The following PLOD2 variants were observed in gnomAD, a reference collection of about 807,000 sequenced individuals.
The protein encoded by PLOD2 is procollagen-lysine,2-oxoglutarate 5-dioxygenase 2.
A neutral mutation model predicts 101.0 loss-of-function variants in PLOD2; 65 were observed. The observed-to-expected ratio is 0.64, with a 90% CI of 0.53 to 0.79. The LOEUF is 0.79. PLOD2 is among the 30% of genes least tolerant of loss of function. The probability of loss-of-function intolerance (pLI) is 0.00; values close to 1 mark genes in which losing one functional copy is unlikely to be tolerated. For synonymous variants in PLOD2, 314 were observed against 302.9 expected (o/e 1.04, Z -0.38); for missense variants, 909 against 914.6 (o/e 0.99, Z 0.08).
chr3:146,108,641 G>A (rs1320777494), intron 4 of PLOD2, among the ~76,000 whole-genome samples: 3 of 152,122 alleles, frequency 2.0e-5, no homozygotes, highest in Non-Finnish European at 4.4e-5. Context: ...GCATAAGGAT[G>A]ATGCTTCGAT....
At chr3:146,110,075 C>G (rs1322912035) in intron 4 of PLOD2, among the ~76,000 whole-genome samples, 1 of 152,040 alleles carries the variant, frequency 6.6e-6, no homozygotes, top group African/African-American at 2.4e-5. Flanking sequence ...AGTTTCCTCA[C>G]TTATAATTTG....
Position 146,081,873 on chromosome 3 carries a change from G to A in PLOD2, c.1233-10C>T, listed in dbSNP as rs1448419287. 1.9e-6 allele frequency: 3 copies of A among 1,610,016 alleles called. No homozygotes were observed. The highest frequency in any genetic ancestry group is 2.5e-6 in the Non-Finnish European group (3 of 1,176,816). ...AGGAGCAATGATCTTTCTAAAGACA[G>A]AGAGAGTGTGTGTGAGAGAGAGAAA... On this transcript the variant is annotated splice_polypyrimidine_tract_variant and intron_variant, in intron 11 of 19. Coordinates refer to ENST00000282903, the MANE Select transcript of PLOD2 (RefSeq NM_182943.3).
In PLOD2 at chr3:146,072,582, T is replaced by C. The variant is rs1936183888; in HGVS notation, c.1827A>G (p.Lys609=). 2.5e-6 allele frequency: 4 copies of C among 1,608,002 alleles called. No homozygotes were observed. The highest frequency in any genetic ancestry group is 3.4e-6 in the Non-Finnish European group (4 of 1,175,166). ...ELVEEMEHYG[K]WSGGKHHDSR... is the part of the protein sequence containing the mutation. ...TTACATGATGTTTTCCCCCAGACCA[T>C]TTGCCGTAATGTTCCATTTCTTCTA... Residue 609 remains lysine, a synonymous_variant, in exon 17 of 20, where the codon AAA becomes AAG. Transcript: ENST00000282903.
chr3:146,102,127 G>T (rs1423472558), intron 7 of PLOD2, among the ~76,000 whole-genome samples: 2 of 152,258 alleles, frequency 1.3e-5, no homozygotes, highest in Non-Finnish European at 2.9e-5. Context: ...ATGTCAGAAG[G>T]TTGTTGTAAG....
At chr3:146,099,188 A>T (rs369259736) in intron 7 of PLOD2, among the ~76,000 whole-genome samples, 13 of 152,344 alleles carry the variant, frequency 8.5e-5, no homozygotes, top group African/African-American at 3.1e-4. Context: ...AATGTTTCCA[A>T]GAAGACTTAA....
intron 7 of PLOD2, among the ~76,000 whole-genome samples, chr3:146,097,020 C>T (rs1186506361): frequency 3.4e-5 from 5 of 147,162 alleles, no homozygotes; most frequent in East Asian, 2.2e-4. Flanking sequence ...GCCCCCCGCC[C>T]GGCCAGCCGC....
chr3:146,107,656 A>G (rs75663863), intron 4 of PLOD2, among the ~76,000 whole-genome samples: 1 of 102,136 alleles, frequency 9.8e-6, no homozygotes, highest in African/African-American at 4.2e-5. Context: ...TTTTTTTTGG[A>G]GACAGAGTCT....
intron 5 of PLOD2, among the ~76,000 whole-genome samples, chr3:146,104,769 C>T (rs552065122): frequency 3.5e-4 from 53 of 152,250 alleles, no homozygotes; most frequent in African/African-American, 1.3e-3. Flanking sequence ...GCTTATTGTA[C>T]CCAACATTCC....
Position 146,161,074 on chromosome 3 carries a change from C to A in PLOD2, c.-85G>T, listed in dbSNP as rs1183981482. 4.8e-6 allele frequency: 4 copies of A among 828,466 alleles called. No homozygotes were observed. Among genetic ancestry groups the A allele is most frequent in the Non-Finnish European group, 7.0e-6 (4 of 570,992 alleles). The allele number at this position is 828,466 out of a possible 1,614,324, so 51.3% of individuals were successfully genotyped here. A position where few individuals can be genotyped will look rare whatever the true frequency, so the allele number is the denominator to read the frequency against. On this transcript the variant is annotated 5_prime_UTR_variant, in exon 1 of 20. Coordinates refer to ENST00000282903, the MANE Select transcript of PLOD2 (RefSeq NM_182943.3). ...TCGCGAGAACGCAGAGACCCGGGTC[C>A]GCCCTGAGCCGCCGATTGCGGGCGG...
rs1936370619 is a variant in PLOD2, at chr3:146,077,014, A to AT, written c.1564-120dup. On this transcript the variant is annotated intron_variant, in intron 14 of 19. Coordinates refer to ENST00000282903, the MANE Select transcript of PLOD2 (RefSeq NM_182943.3). ...CTTTATATTTCATTTATGAACATGC[A>AT]TTTTTAGTATTCATATAAAATGTGC... 8 of 1,280,970 alleles carry AT rather than the reference A, an allele frequency of 6.2e-6. No individual in the cohort carries two copies. In the East Asian group the frequency reaches 1.3e-4, roughly 22 times the overall value. The allele number at this position is 1,280,970 out of a possible 1,614,324, so 79.4% of individuals were successfully genotyped here.
At position 146,072,657 on chromosome 3, in the gene PLOD2, T is replaced by G; in HGVS notation, c.1752A>C (p.Pro584=). Residue 584 remains proline, a synonymous_variant, in exon 17 of 20, where the codon CCA becomes CCC. Coordinates refer to ENST00000282903, the MANE Select transcript of PLOD2 (RefSeq NM_182943.3). Reference sequence around the variant, plus strand: ...AAAATATGGGGAACCAAAAGACATCTGGACAGGGCTATAAAATATGCATCA... The same window carrying G: ...AAAATATGGGGAACCAAAAGACATCGGGACAGGGCTATAAAATATGCATCA... ...FTENIVEQPC[P]DVFWFPIFSE... is the part of the protein sequence containing the mutation. 6.3e-7 allele frequency: 1 copy of G among 1,595,068 alleles called. No homozygotes were observed.
intron 5 of PLOD2, 126 bp from the exon 6 acceptor site, chr3:146,104,468 A>C (rs1937500772): frequency 1.6e-6 from 1 of 633,886 alleles, no homozygotes; most frequent in Non-Finnish European, 2.8e-6. Flanking sequence ...TAAGTGTCTA[A>C]TCAAAATATT....
chr3:146,106,789 A>T (rs1411715209), intron 4 of PLOD2, 145 bp from the exon 5 acceptor site: 1 of 678,962 alleles, frequency 1.5e-6, no homozygotes, highest in Admixed American at 2.2e-5. Context: ...ACCATGAAAG[A>T]AATATGAATT....
chr3:146,071,673 A>C (rs947898049), intron 17 of PLOD2, among the ~76,000 whole-genome samples: 1 of 151,770 alleles, frequency 6.6e-6, no homozygotes, highest in Admixed American at 6.6e-5. Flanking sequence ...TGTATATGTG[A>C]AGTTTAGCTA....
intron 7 of PLOD2, among the ~76,000 whole-genome samples, chr3:146,101,976 A>C (rs1937404059): frequency 6.6e-6 from 1 of 152,138 alleles, no homozygotes; most frequent in African/African-American, 2.4e-5. Context: ...TTTTCCTTGC[A>C]TTTCTTTCCA....
At chr3:146,093,578 T>A (rs894951557) in intron 7 of PLOD2, among the ~76,000 whole-genome samples, 2 of 152,188 alleles carry the variant, frequency 1.3e-5, no homozygotes, top group African/African-American at 4.8e-5. Context: ...GCATTATTTC[T>A]TAAAAAGATA....
rs35252566 is a variant in PLOD2, at chr3:146,160,873, G to T, written c.109+8C>A. 1.2e-5 allele frequency: 18 copies of T among 1,532,382 alleles called. No individual in the cohort carries two copies. In the South Asian group the frequency reaches 1.9e-4, roughly 16 times the overall value. The allele number at this position is 1,532,382 out of a possible 1,614,324, so 94.9% of individuals were successfully genotyped here. A position where few individuals can be genotyped will look rare whatever the true frequency, so the allele number is the denominator to read the frequency against. ...TCGCGGGACAGCGGCGGACCGCGGG[G>T]TGCTCACCTGTGGGGATGCTCGAGG... is the stretch of plus-strand genomic sequence containing the variant. On this transcript the variant is annotated splice_region_variant and intron_variant, in intron 1 of 19. Transcript: ENST00000282903.
At chr3:146,117,210 T>C (rs760650242) in intron 3 of PLOD2, among the ~76,000 whole-genome samples, 6 of 152,190 alleles carry the variant, frequency 3.9e-5, no homozygotes, top group Admixed American at 6.6e-5. Context: ...TTTCATATGA[T>C]AGTGACCTAT....
At chr3:146,097,212 C>T (rs1314909960) in intron 7 of PLOD2, among the ~76,000 whole-genome samples, 10 of 150,924 alleles carry the variant, frequency 6.6e-5, no homozygotes, top group East Asian at 4.0e-4. Flanking sequence ...CCGCCCCATC[C>T]GGGAGGTGAG....
Sources: allele counts gnomAD v4.1 joint callset (sites outside exome capture counted in the v4.1 genomes callset), GRCh38; gene constraint gnomAD v4.1.1; transcripts MANE v1.5; gene names NCBI Gene and HGNC (gene_info 2026-07-23, HGNC 2026-07-21).